Variants in CDH13 observed in about 807,000 individuals in gnomAD.
The protein encoded by CDH13 is cadherin 13.
A neutral mutation model predicts 63.8 loss-of-function variants in CDH13; 24 were observed. That is an observed-to-expected ratio of 0.38 (90% CI 0.27 to 0.53). The LOEUF is 0.53. Ranked by LOEUF, CDH13 falls within the 20% of genes least tolerant of loss-of-function variation. The pLI is 0.85. For missense variants in CDH13, 1,049 were observed against 903.1 expected, an observed-to-expected ratio of 1.16 and a Z score of -2.07; for synonymous variants, 503 against 355.3, an observed-to-expected ratio of 1.42 and a Z score of -4.67.
chr16:83,427,582 T>C (rs955797598), intron 6 of CDH13, among the ~76,000 whole-genome samples: 3 of 152,174 alleles, frequency 2.0e-5, no homozygotes, highest in Non-Finnish European at 4.4e-5. Flanking sequence ...ACTAAGATGG[T>C]ACAGTTAGTT....
At chr16:83,249,274 T>C (rs7189242) in intron 5 of CDH13, among the ~76,000 whole-genome samples, 150,720 of 152,302 alleles carry the variant, frequency 0.99, 74,602 homozygotes, top group Middle Eastern at 1. Context: ...CATACCAGCT[T>C]TCGTGAGACC....
intron 3 of CDH13, among the ~76,000 whole-genome samples, chr16:83,089,795 T>C (rs776836651): frequency 5.3e-5 from 8 of 152,332 alleles, no homozygotes; most frequent in Non-Finnish European, 1.0e-4. Flanking sequence ...TCAGGACTTA[T>C]ATAGATGAGT....
chr16:83,377,708 C>A (rs934927841), intron 6 of CDH13, among the ~76,000 whole-genome samples: 1 of 152,188 alleles, frequency 6.6e-6, no homozygotes, highest in Non-Finnish European at 1.5e-5. Context: ...GACTCCCACA[C>A]TTATGCCATT....
Position 83,186,203 on chromosome 16 carries a change from C to T in CDH13, c.484-31142C>T, listed in dbSNP as rs8046542. Among the ~76,000 whole-genome samples, 103 of 151,206 alleles carry T rather than the reference C, an allele frequency of 6.8e-4. 1 individual carries two copies. Among genetic ancestry groups the T allele is most frequent in the Middle Eastern group, 6.8e-3 (2 of 294 alleles). On this transcript the variant is annotated intron_variant, in intron 4 of 13. Coordinates refer to ENST00000567109, the MANE Select transcript of CDH13 (RefSeq NM_001257.5). ...AGGCTGGAGTGCAGTGGCGTGATCTCGGATCACTGCAGCCAACCTCCGCCT... is the reference window on the plus strand; with the variant it reads ...AGGCTGGAGTGCAGTGGCGTGATCTTGGATCACTGCAGCCAACCTCCGCCT...
chr16:83,337,990 G>A (rs905097703), intron 5 of CDH13, among the ~76,000 whole-genome samples: 5 of 151,990 alleles, frequency 3.3e-5, no homozygotes, highest in African/African-American at 1.2e-4. Flanking sequence ...CACAGTGAGG[G>A]GAATGTGAGT....
At position 83,325,033 on chromosome 16, in the gene CDH13, C is replaced by G. The variant is rs182538824; in HGVS notation, c.637-19829C>G. ...GTATGGGCATTTGCTAAGGCTGTCTCCCTCCTCTTCCCCATGAACTTCCAT... is the reference window on the plus strand; with the variant it reads ...GTATGGGCATTTGCTAAGGCTGTCTGCCTCCTCTTCCCCATGAACTTCCAT... On this transcript the variant is annotated intron_variant, in intron 5 of 13. Transcript: ENST00000567109. Among the ~76,000 whole-genome samples, 4 of 152,238 alleles carry G rather than the reference C, an allele frequency of 2.6e-5. No individual in the cohort carries two copies. The East Asian group carries it at 7.7e-4, about 29-fold the overall frequency.
Position 83,534,785 on chromosome 16 carries a change from C to T in CDH13, c.960+48130C>T, listed in dbSNP as rs191948453. Among the ~76,000 whole-genome samples the T allele has an allele frequency of 6.6e-5, 10 of 152,358 alleles. No homozygotes were observed. In the East Asian group the frequency reaches 1.7e-3, roughly 26 times the overall value. On this transcript the variant is annotated intron_variant, in intron 7 of 13. Coordinates refer to ENST00000567109, the MANE Select transcript of CDH13 (RefSeq NM_001257.5). ...TATGAGCAATGCTGCTATGAGCATG[C>T]ATTTGCAAACAGTTATTCTTATTTA... is the stretch of plus-strand genomic sequence containing the variant.
At chr16:83,015,375 T>G (rs551646385) in intron 2 of CDH13, among the ~76,000 whole-genome samples, 40 of 151,424 alleles carry the variant, frequency 2.6e-4, no homozygotes, top group African/African-American at 9.4e-4. Flanking sequence ...ATCTCCACCC[T>G]CAAAGTTCCT....
intron 2 of CDH13, chr16:82,884,264 G>T: frequency 4.4e-6 from 2 of 452,212 alleles, no homozygotes; most frequent in Middle Eastern, 3.3e-4. Context: ...GAAATCTGCA[G>T]GTATAAGATG....
intron 1 of CDH13, among the ~76,000 whole-genome samples, chr16:82,812,348 C>T (rs2037489651): frequency 6.6e-6 from 1 of 152,008 alleles, no homozygotes; most frequent in South Asian, 2.1e-4. Context: ...TTTGAAACTT[C>T]CCCAAAGAAA....
At chr16:83,223,118 C>A (rs1468192968) in intron 5 of CDH13, among the ~76,000 whole-genome samples, 1 of 152,120 alleles carries the variant, frequency 6.6e-6, no homozygotes, top group Non-Finnish European at 1.5e-5. Context: ...TTTTGTACTG[C>A]TGTAACAAAA....
intron 4 of CDH13, among the ~76,000 whole-genome samples, chr16:83,172,599 C>T (rs564567980): frequency 6.6e-6 from 1 of 151,850 alleles, no homozygotes; most frequent in Non-Finnish European, 1.5e-5. Flanking sequence ...CAAGAAAAAT[C>T]CATGAGAAGC....
At chr16:82,798,766 G>T (rs968697832) in intron 1 of CDH13, among the ~76,000 whole-genome samples, 3 of 152,242 alleles carry the variant, frequency 2.0e-5, no homozygotes, top group Non-Finnish European at 4.4e-5. Flanking sequence ...CTGGGGGTTG[G>T]TGTCTTTGCT....
chr16:83,578,969 C>T (rs528068652), intron 7 of CDH13, among the ~76,000 whole-genome samples: 17 of 152,346 alleles, frequency 1.1e-4, no homozygotes, highest in South Asian at 4.1e-4. Context: ...GAACACTTTC[C>T]GCCTACTGAG....
chr16:83,436,789 G>T (rs2072319188), intron 6 of CDH13, among the ~76,000 whole-genome samples: 2 of 152,228 alleles, frequency 1.3e-5, no homozygotes, highest in South Asian at 4.1e-4. Flanking sequence ...TTCAAGGTCT[G>T]CTGTGAATGT....
chr16:82,705,345 G>T, intron 1 of CDH13: 1 of 352,016 alleles, frequency 2.8e-6, no homozygotes, highest in Non-Finnish European at 5.5e-6. Flanking sequence ...GATGCCCAGA[G>T]ATATAACAAT....
intron 4 of CDH13, among the ~76,000 whole-genome samples, chr16:83,215,376 G>A (rs896205052): frequency 2.0e-5 from 3 of 151,760 alleles, no homozygotes; most frequent in Non-Finnish European, 4.4e-5. Context: ...ACCACGCCCG[G>A]CCCACATAGT....
At chr16:82,942,087 T>C (rs1904294344) in intron 2 of CDH13, among the ~76,000 whole-genome samples, 1 of 152,212 alleles carries the variant, frequency 6.6e-6, no homozygotes, top group African/African-American at 2.4e-5. Context: ...GCTTATTGCT[T>C]CTTGTGTCCT....
intron 2 of CDH13, among the ~76,000 whole-genome samples, chr16:82,931,173 T>C (rs1239168022): frequency 2.6e-5 from 4 of 152,220 alleles, no homozygotes; most frequent in African/African-American, 9.6e-5. Flanking sequence ...TAATTTATAC[T>C]TTGATTTCCC....
Sources: gnomAD v4.1 joint callset for allele counts (sites outside exome capture counted in the v4.1 genomes callset) on GRCh38, gnomAD v4.1.1 for gene constraint, MANE v1.5 for transcripts, NCBI Gene and HGNC (gene_info 2026-07-23, HGNC 2026-07-21) for gene names.